IMMP2L: variants seen among roughly 807,000 people sequenced by gnomAD.
IMMP2L encodes the protein inner mitochondrial membrane peptidase subunit 2, also known as mitochondrial inner membrane protease subunit 2.
Under a neutral mutation model 19.3 loss-of-function variants are expected in IMMP2L, and 18 were observed. That is an observed-to-expected ratio of 0.93 (90% CI 0.64 to 1.38). The LOEUF (loss-of-function observed/expected upper bound fraction) is 1.38, where lower values mean the gene tolerates loss of function less well. IMMP2L is among the 40% of genes most tolerant of loss of function. IMMP2L has a pLI of 0.00. For missense variants in IMMP2L, 233 were observed against 218.2 expected, an observed-to-expected ratio of 1.07 and a Z score of -0.43; for synonymous variants, 76 against 73.0, an observed-to-expected ratio of 1.04 and a Z score of -0.21.
chr7:111,269,368 A>G (rs148166240), intron 3 of IMMP2L, among the ~76,000 whole-genome samples: 1 of 152,326 alleles, frequency 6.6e-6, no homozygotes, highest in East Asian at 1.9e-4. Context: ...TGAACAAATG[A>G]TAGAATTTTT....
At chr7:110,909,859 T>A (rs1189472171) in intron 4 of IMMP2L, among the ~76,000 whole-genome samples, 1 of 151,470 alleles carries the variant, frequency 6.6e-6, no homozygotes, top group Non-Finnish European at 1.5e-5. Flanking sequence ...CTTACTTCTG[T>A]GAGTTAGAAA....
chr7:111,252,551 A>T (rs1289573221), intron 3 of IMMP2L, among the ~76,000 whole-genome samples: 1 of 152,170 alleles, frequency 6.6e-6, no homozygotes, highest in Non-Finnish European at 1.5e-5. Flanking sequence ...GACAAGGAAT[A>T]ATTTGGAATG....
intron 5 of IMMP2L, among the ~76,000 whole-genome samples, chr7:110,825,916 G>A (rs1803445337): frequency 6.6e-6 from 1 of 152,056 alleles, no homozygotes; most frequent in Non-Finnish European, 1.5e-5. Context: ...CAGAATGGGA[G>A]AAAATTTTCG....
chr7:111,329,293 A>G (rs1326791865), intron 3 of IMMP2L, among the ~76,000 whole-genome samples: 4 of 151,842 alleles, frequency 2.6e-5, no homozygotes, highest in Non-Finnish European at 5.9e-5. Context: ...GAAGGAGAAG[A>G]ATTAAAACTA....
At chr7:111,154,110 T>C (rs1186049144) in intron 3 of IMMP2L, among the ~76,000 whole-genome samples, 1 of 152,130 alleles carries the variant, frequency 6.6e-6, no homozygotes, top group African/African-American at 2.4e-5. Flanking sequence ...GTTTCATTTA[T>C]TACTCAATCT....
chr7:110,780,771 T>C (rs1424803889), intron 5 of IMMP2L, among the ~76,000 whole-genome samples: 1 of 143,290 alleles, frequency 7.0e-6, no homozygotes, highest in Non-Finnish European at 1.5e-5. Flanking sequence ...CTTAAAAGCA[T>C]ATCTCTCATT....
At chr7:111,076,250 T>A (rs1795402984) in intron 3 of IMMP2L, among the ~76,000 whole-genome samples, 1 of 152,188 alleles carries the variant, frequency 6.6e-6, no homozygotes, top group African/African-American at 2.4e-5. Context: ...CCAGCCCTAC[T>A]GAATCAGAAT....
At chr7:111,262,242 A>C (rs1007643143) in intron 3 of IMMP2L, among the ~76,000 whole-genome samples, 2 of 152,158 alleles carry the variant, frequency 1.3e-5, no homozygotes, top group African/African-American at 4.8e-5. Context: ...TCAGATAGGG[A>C]TAAGTATAAA....
intron 1 of IMMP2L, among the ~76,000 whole-genome samples, chr7:111,545,231 T>C (rs1467581620): frequency 3.3e-5 from 5 of 152,204 alleles, no homozygotes; most frequent in African/African-American, 9.6e-5. Context: ...TCCTAATGGA[T>C]GTGAGACACA....
intron 3 of IMMP2L, among the ~76,000 whole-genome samples, chr7:111,050,737 T>C (rs980201949): frequency 6.6e-6 from 1 of 152,224 alleles, no homozygotes; most frequent in Non-Finnish European, 1.5e-5. Context: ...TGGGTTCAAC[T>C]ACATTTGTGC....
intron 4 of IMMP2L, among the ~76,000 whole-genome samples, chr7:110,961,942 G>A (rs1818992956): frequency 6.6e-6 from 1 of 151,882 alleles, no homozygotes; most frequent in Non-Finnish European, 1.5e-5. Flanking sequence ...ATGGACAAGA[G>A]AGAACTTTTG....
chr7:111,206,160 T>C (rs892046652), intron 3 of IMMP2L, among the ~76,000 whole-genome samples: 1 of 152,214 alleles, frequency 6.6e-6, no homozygotes, highest in African/African-American at 2.4e-5. Context: ...AAAGAATCTA[T>C]AACCTCCTTC....
intron 3 of IMMP2L, among the ~76,000 whole-genome samples, chr7:111,301,529 C>G (rs1297422617): frequency 1.3e-5 from 2 of 151,984 alleles, no homozygotes; most frequent in Non-Finnish European, 2.9e-5. Flanking sequence ...GAACTGATTG[C>G]CTAGCCCTAG....
chr7:110,979,035 A>G (rs1284798352), intron 3 of IMMP2L, among the ~76,000 whole-genome samples: 2 of 152,100 alleles, frequency 1.3e-5, no homozygotes, highest in Non-Finnish European at 2.9e-5. Context: ...TTTGAGGTCA[A>G]TCATTAGCAT....
chr7:111,437,945 T>G (rs1053350892), intron 3 of IMMP2L, among the ~76,000 whole-genome samples: 6 of 151,904 alleles, frequency 3.9e-5, no homozygotes, highest in Non-Finnish European at 8.8e-5. Flanking sequence ...AACAGTTCTG[T>G]GTCCTCCCTA....
intron 5 of IMMP2L, among the ~76,000 whole-genome samples, chr7:110,700,758 AAAACC>A (rs1409636817): frequency 1.3e-5 from 2 of 152,202 alleles, no homozygotes; most frequent in Non-Finnish European, 2.9e-5. Flanking sequence ...TATACATTTC[AAAACC>A]AAAACAGAAC....
intron 3 of IMMP2L, among the ~76,000 whole-genome samples, chr7:111,233,885 T>A (rs1813993401): frequency 6.6e-6 from 1 of 152,048 alleles, no homozygotes; most frequent in African/African-American, 2.4e-5. Flanking sequence ...TTATAGAATA[T>A]AATTTTTACA....
At chr7:111,095,829 T>A (rs2129578732) in intron 3 of IMMP2L, among the ~76,000 whole-genome samples, 1 of 152,094 alleles carries the variant, frequency 6.6e-6, no homozygotes, top group African/African-American at 2.4e-5. Context: ...GGATCCATGC[T>A]TTGCTTATAC....
intron 3 of IMMP2L, among the ~76,000 whole-genome samples, chr7:111,210,791 G>T (rs1283906367): frequency 6.6e-6 from 1 of 151,990 alleles, no homozygotes; most frequent in East Asian, 1.9e-4. Context: ...TATACAAAGA[G>T]TAATCTTTTT....
Sources: gnomAD v4.1 joint callset for allele counts (sites outside exome capture counted in the v4.1 genomes callset) on GRCh38, gnomAD v4.1.1 for gene constraint, MANE v1.5 for transcripts, NCBI Gene and HGNC (gene_info 2026-07-23, HGNC 2026-07-21) for gene names.